The following SAMTOR variants were observed in gnomAD, a reference collection of about 807,000 sequenced individuals.
SAMTOR encodes the protein S-adenosylmethionine sensor upstream of mTORC1, also known as UPF0532 protein C7orf60.
At chr7:112,883,877 T>C in the SAMTOR span, among the ~76,000 whole-genome samples, 2 of 152,238 alleles carry the variant, frequency 1.3e-5, no homozygotes, top group African/African-American at 2.4e-5. Context: ...ACTAATACAA[T>C]GGTGTATTAG....
At chr7:112,834,556 T>C in the SAMTOR span, among the ~76,000 whole-genome samples, 1 of 152,156 alleles carries the variant, frequency 6.6e-6, no homozygotes, top group East Asian at 1.9e-4. Flanking sequence ...TTCATGAGAT[T>C]TAAATTGCGT....
the SAMTOR span, among the ~76,000 whole-genome samples, chr7:112,884,227 A>G: frequency 2.0e-5 from 3 of 152,082 alleles, no homozygotes; most frequent in African/African-American, 7.2e-5. Flanking sequence ...TCAAGATGAG[A>G]TTTGGGTGGG....
At chr7:112,874,485 C>A in the SAMTOR span, among the ~76,000 whole-genome samples, 1 of 152,004 alleles carries the variant, frequency 6.6e-6, no homozygotes, top group Non-Finnish European at 1.5e-5. Context: ...ACTGGGGACT[C>A]CAAACGTAGA....
chr7:112,863,860 T>A, the SAMTOR span, among the ~76,000 whole-genome samples: 1 of 152,202 alleles, frequency 6.6e-6, no homozygotes, highest in Non-Finnish European at 1.5e-5. Flanking sequence ...TGGTGATTCC[T>A]CAATGAACAA....
At chr7:112,834,325 T>C in the SAMTOR span, among the ~76,000 whole-genome samples, 1 of 152,202 alleles carries the variant, frequency 6.6e-6, no homozygotes, top group Non-Finnish European at 1.5e-5. Flanking sequence ...GTTATATTCC[T>C]TGGTATTTCC....
chr7:112,935,364 T>C, the SAMTOR span: 1 of 304,850 alleles, frequency 3.3e-6, no homozygotes, highest in East Asian at 9.9e-5. Flanking sequence ...CAACATCACA[T>C]TCATTCTCTT....
the SAMTOR span, among the ~76,000 whole-genome samples, chr7:112,913,890 C>G: frequency 6.6e-6 from 1 of 152,124 alleles, no homozygotes; most frequent in African/African-American, 2.4e-5. Context: ...CTTTATTTTT[C>G]TCATGGTGCT....
chr7:112,845,012 T>A, the SAMTOR span, among the ~76,000 whole-genome samples: 1 of 151,816 alleles, frequency 6.6e-6, no homozygotes, highest in Non-Finnish European at 1.5e-5. Context: ...ACTGAATAAA[T>A]GGTGCTGGGA....
the SAMTOR span, among the ~76,000 whole-genome samples, chr7:112,828,130 T>C: frequency 6.6e-6 from 1 of 152,238 alleles, no homozygotes; most frequent in Non-Finnish European, 1.5e-5. Flanking sequence ...CTGTCATAAA[T>C]GTTCATTTTA....
the SAMTOR span, among the ~76,000 whole-genome samples, chr7:112,844,925 A>G: frequency 6.6e-6 from 1 of 152,162 alleles, no homozygotes; most frequent in African/African-American, 2.4e-5. Context: ...CAGAATAGAG[A>G]GCCCAGAATA....
At chr7:112,930,324 G>A in the SAMTOR span, among the ~76,000 whole-genome samples, 1 of 151,846 alleles carries the variant, frequency 6.6e-6, no homozygotes, top group Non-Finnish European at 1.5e-5. Flanking sequence ...TCTAAAAGTG[G>A]GATAAAAAAC....
chr7:112,878,926 T>C, the SAMTOR span, among the ~76,000 whole-genome samples: 1 of 151,724 alleles, frequency 6.6e-6, no homozygotes, highest in Non-Finnish European at 1.5e-5. Flanking sequence ...GAGATAGAGG[T>C]AGACAGACTA....
the SAMTOR span, among the ~76,000 whole-genome samples, chr7:112,931,606 G>C: frequency 6.6e-6 from 1 of 152,008 alleles, no homozygotes; most frequent in African/African-American, 2.4e-5. Context: ...TCAAACAAAA[G>C]GATTTATGAA....
the SAMTOR span, among the ~76,000 whole-genome samples, chr7:112,937,687 G>T: frequency 6.7e-6 from 1 of 150,004 alleles, no homozygotes; most frequent in Non-Finnish European, 1.5e-5. Flanking sequence ...CTAGATCACC[G>T]GTGAAATTCA....
At chr7:112,824,561 C>A in the SAMTOR span, among the ~76,000 whole-genome samples, 1 of 152,028 alleles carries the variant, frequency 6.6e-6, no homozygotes, top group Admixed American at 6.6e-5. Flanking sequence ...CAGGGTTTCA[C>A]CATATTGGCC....
chr7:112,924,622 C>A, the SAMTOR span, among the ~76,000 whole-genome samples: 1 of 152,026 alleles, frequency 6.6e-6, no homozygotes, highest in Non-Finnish European at 1.5e-5. Flanking sequence ...CCATTAATCA[C>A]TAACATTTGG....
chr7:112,895,080 T>C, the SAMTOR span, among the ~76,000 whole-genome samples: 7 of 152,118 alleles, frequency 4.6e-5, no homozygotes, highest in Non-Finnish European at 2.9e-5. Flanking sequence ...TTAATAACCT[T>C]TCATTATTTT....
the SAMTOR span, among the ~76,000 whole-genome samples, chr7:112,912,647 T>C: frequency 6.6e-6 from 1 of 152,008 alleles, no homozygotes; most frequent in South Asian, 2.1e-4. Context: ...TTTAAAGATG[T>C]TACATAACTT....
the SAMTOR span, chr7:112,819,568 T>C: frequency 3.9e-5 from 6 of 152,586 alleles, no homozygotes; most frequent in African/African-American, 9.6e-5. Flanking sequence ...GCCAACCTAA[T>C]TGGAATAAGC....
Sources: allele counts gnomAD v4.1 joint callset (sites outside exome capture counted in the v4.1 genomes callset), GRCh38; gene constraint gnomAD v4.1.1; transcripts MANE v1.5; gene names NCBI Gene and HGNC (gene_info 2026-07-23, HGNC 2026-07-21).